Variants in SCAF8 observed in about 807,000 individuals in gnomAD.
The protein encoded by SCAF8 is SR-related and CTD-associated factor 8.
SCAF8 carries 23 observed loss-of-function variants against 140.5 expected under a neutral mutation model. That is an observed-to-expected ratio of 0.16 (90% CI 0.12 to 0.23). The LOEUF (loss-of-function observed/expected upper bound fraction) is 0.23. Among genes scored for constraint, SCAF8 ranks in the 10% least tolerant of loss-of-function variants. The probability of loss-of-function intolerance (pLI) is 1.00; values close to 1 mark genes in which losing one functional copy is unlikely to be tolerated. For synonymous variants in SCAF8, 575 were observed against 528.9 expected (o/e 1.09, Z -1.20); for missense variants, 1,397 against 1,555.7 (o/e 0.90, Z 1.72).
Position 154,833,927 on chromosome 6 carries a change from A to T in SCAF8, c.*532A>T, listed in dbSNP as rs1417248785. ...CTACGGTCTCTGTTTCTCCAAAGTAAGTGTTTGTGATTTGTTCCTCATACT... is the reference window on the plus strand; with the variant it reads ...CTACGGTCTCTGTTTCTCCAAAGTATGTGTTTGTGATTTGTTCCTCATACT... On this transcript the variant is annotated 3_prime_UTR_variant, in exon 20 of 20. Transcript: ENST00000367178. 1 of 152,616 alleles carries T rather than the reference A, an allele frequency of 6.6e-6. No individual in the cohort carries two copies. Among genetic ancestry groups the T allele is most frequent in the African/African-American group, 2.4e-5 (1 of 41,466 alleles). 9.5% of individuals were successfully genotyped at this position (152,616 alleles called of 1,614,324 possible). A position where few individuals can be genotyped will look rare whatever the true frequency, so the allele number is the denominator to read the frequency against.
At chr6:154,817,251 C>T (rs71573699) in intron 13 of SCAF8, among the ~76,000 whole-genome samples, 6 of 152,156 alleles carry the variant, frequency 3.9e-5, no homozygotes, top group African/African-American at 7.2e-5. Context: ...GTGGTTCTGA[C>T]GCACAGCAGG....
At chr6:154,827,307 T>G in intron 18 of SCAF8, 67 bp downstream of exon 18, 1 of 1,001,274 alleles carries the variant, frequency 1.0e-6, no homozygotes, top group Non-Finnish European at 1.5e-6. Flanking sequence ...TCAGTTCTCA[T>G]TCTTGTGAAT....
intron 2 of SCAF8, among the ~76,000 whole-genome samples, chr6:154,777,153 C>G (rs997197174): frequency 2.6e-5 from 4 of 151,902 alleles, no homozygotes; most frequent in South Asian, 2.1e-4. Context: ...TGCACACCAG[C>G]CTGGGTGACA....
intron 1 of SCAF8, among the ~76,000 whole-genome samples, chr6:154,751,301 T>C (rs113713034): frequency 0.015 from 2,229 of 152,094 alleles, 55 homozygotes; most frequent in African/African-American, 0.05. Context: ...TGATCTCCGC[T>C]CACTGCAACC....
intron 3 of SCAF8, among the ~76,000 whole-genome samples, chr6:154,780,849 T>C (rs1433164233): frequency 1.3e-5 from 2 of 152,146 alleles, no homozygotes; most frequent in Non-Finnish European, 2.9e-5. Flanking sequence ...GCATGCGTCT[T>C]TATGGTAGAA....
At chr6:154,804,352 C>G (rs1255089465) in intron 8 of SCAF8, among the ~76,000 whole-genome samples, 1 of 152,052 alleles carries the variant, frequency 6.6e-6, no homozygotes, top group Non-Finnish European at 1.5e-5. Flanking sequence ...AATTTAAAAA[C>G]TAGTATTTTA....
intron 18 of SCAF8, among the ~76,000 whole-genome samples, chr6:154,828,537 G>A (rs773009979): frequency 1.1e-4 from 17 of 151,422 alleles, no homozygotes; most frequent in Non-Finnish European, 2.1e-4. Flanking sequence ...TTTTTGAAGT[G>A]TAGATTGTTT....
intron 4 of SCAF8, 53 bp downstream of exon 4, chr6:154,788,075 C>T (rs182409537): frequency 1.4e-6 from 2 of 1,456,284 alleles, no homozygotes; most frequent in East Asian, 2.3e-5. Flanking sequence ...ACAGTAGCCT[C>T]TTGGTCTTAA....
chr6:154,754,754 A>G (rs1414896904), intron 1 of SCAF8, among the ~76,000 whole-genome samples: 1 of 151,980 alleles, frequency 6.6e-6, no homozygotes, highest in Non-Finnish European at 1.5e-5. Flanking sequence ...TCTTCTACTT[A>G]TTCTCCCTTT....
At position 154,832,217 on chromosome 6, in the gene SCAF8, T is replaced by C; in HGVS notation, c.2638T>C (p.Ser880Pro). Residue 880 changes from serine to proline, a missense_variant, in exon 20 of 20, where the codon TCT becomes CCT. Ser to Pro is a moderately conservative substitution (Grantham distance 74). This residue lies in a region of SCAF8 where 930 missense variants were observed against 874.6 expected (regional missense o/e 1.06). Transcript: ENST00000367178. ...GCTACCCCCAAATATACCTAACAAT[T>C]CTGGACTTGTAGGAGTACAGCCACC... Reference protein sequence around the residue: ...GVLPPNIPNNSGLVGVQPPNV... With the variant: ...GVLPPNIPNNPGLVGVQPPNV... 2 of 1,614,098 alleles carry C rather than the reference T, an allele frequency of 1.2e-6. No individual in the cohort carries two copies.
chr6:154,770,388 ACT>A lies in SCAF8; in HGVS notation c.31-3566_31-3565del, dbSNP rs58596375. ...TTGAGGTACACACACACACACACAC[ACT>A]CTCTCTCTCTCTCTCTCTCTCTCTC... On this transcript the variant is annotated intron_variant, in intron 1 of 19. Transcript: ENST00000367178. Among the ~76,000 whole-genome samples, 1,037 of 141,792 alleles carry A rather than the reference ACT, an allele frequency of 7.3e-3. 5 individuals carry two copies. Among genetic ancestry groups the A allele is most frequent in the African/African-American group, 0.013 (485 of 38,246 alleles). 93.0% of individuals were successfully genotyped at this position (141,792 alleles called of 152,430 possible).
chr6:154,742,453 T>C lies in SCAF8; in HGVS notation c.30+8523T>C, dbSNP rs148728725. 3.3e-5 allele frequency among the ~76,000 whole-genome samples: 5 copies of C among 152,330 alleles called. No individual in the cohort carries two copies. The East Asian group carries it at 9.6e-4, about 29-fold the overall frequency. On this transcript the variant is annotated intron_variant, in intron 1 of 19. Transcript: ENST00000367178. ...AATTGAATTTTTGATTTTCTAATTA[T>C]AGAGGCAGCAGATTGTGGTAGAGGT...
rs1208762052 is a variant in SCAF8, at chr6:154,834,106, C to T, written c.*711C>T. On this transcript the variant is annotated 3_prime_UTR_variant, in exon 20 of 20. Transcript: ENST00000367178. ...TTTTTTAACCTATAAATTCTTAAAA[C>T]CTTGAATTATTATTAGCATGTGCTT... The T allele has an allele frequency of 6.6e-6, 1 of 152,082 alleles. No individual in the cohort carries two copies. The highest frequency in any genetic ancestry group is 6.6e-5 in the Admixed American group (1 of 15,266). The allele number at this position is 152,082 out of a possible 1,614,324, so 9.4% of individuals were successfully genotyped here.
intron 9 of SCAF8, among the ~76,000 whole-genome samples, chr6:154,807,143 A>G (rs989657495): frequency 6.6e-6 from 1 of 152,204 alleles, no homozygotes; most frequent in Non-Finnish European, 1.5e-5. Context: ...AGCAGAATCA[A>G]GTAGTCTTAA....
chr6:154,775,010 C>T (rs1218581454), intron 2 of SCAF8, among the ~76,000 whole-genome samples: 1 of 152,086 alleles, frequency 6.6e-6, no homozygotes, highest in African/African-American at 2.4e-5. Context: ...GATATGTTTT[C>T]CTGCCCTGAA....
In SCAF8 at chr6:154,733,836, TC is replaced by T. The variant is rs1778331053; in HGVS notation, c.-61del. 2 of 1,518,282 alleles carry T rather than the reference TC, an allele frequency of 1.3e-6. No individual in the cohort carries two copies. Among genetic ancestry groups the T allele is most frequent in the Non-Finnish European group, 1.8e-6 (2 of 1,138,940 alleles). The allele number at this position is 1,518,282 out of a possible 1,614,324, so 94.1% of individuals were successfully genotyped here. A position where few individuals can be genotyped will look rare whatever the true frequency, so the allele number is the denominator to read the frequency against. ...CCACGCAGCAGCCCGCGTCTCGCTCTCCCCACCCAGTGCAGTGGCCGCCGCC... is the reference window on the plus strand; with the variant it reads ...CCACGCAGCAGCCCGCGTCTCGCTCTCCCACCCAGTGCAGTGGCCGCCGCC... On this transcript the variant is annotated 5_prime_UTR_variant, in exon 1 of 20. Transcript: ENST00000367178.
intron 9 of SCAF8, among the ~76,000 whole-genome samples, chr6:154,805,842 G>A (rs1027153020): frequency 6.6e-6 from 1 of 152,054 alleles, no homozygotes; most frequent in Non-Finnish European, 1.5e-5. Context: ...TTTTCTCTCT[G>A]TTCCCTATCA....
intron 5 of SCAF8, among the ~76,000 whole-genome samples, chr6:154,794,777 G>T (rs796820214): frequency 5.3e-4 from 29 of 54,612 alleles, no homozygotes; most frequent in East Asian, 4.9e-3. Flanking sequence ...GGGGGGTGTG[G>T]GGGGTGTGTG....
chr6:154,735,023 C>G (rs560803030), intron 1 of SCAF8, among the ~76,000 whole-genome samples: 1 of 151,860 alleles, frequency 6.6e-6, no homozygotes, highest in Admixed American at 6.6e-5. Flanking sequence ...ACTTAGGAGG[C>G]TGAGGCAGGA....
Sources: gnomAD v4.1 joint callset for allele counts (sites outside exome capture counted in the v4.1 genomes callset) on GRCh38, gnomAD v4.1.1 for gene constraint, gnomAD v4.1.1 regional missense constraint, MANE v1.5 for transcripts, NCBI Gene and HGNC (gene_info 2026-07-23, HGNC 2026-07-21) for gene names.